Variants in ANKS1B observed in about 807,000 individuals in gnomAD.
ANKS1B encodes ankyrin repeat and sterile alpha motif domain-containing protein 1B.
Under a neutral mutation model 148.3 loss-of-function variants are expected in ANKS1B, and 36 were observed. The observed-to-expected ratio is 0.24, with a 90% CI of 0.19 to 0.32. The LOEUF is 0.32. Among genes scored for constraint, ANKS1B ranks in the 10% least tolerant of loss-of-function variants. The pLI is 1.00. For missense variants in ANKS1B, 1,157 were observed against 1,542.6 expected (o/e 0.75, Z 4.19); for synonymous variants, 542 against 560.8 (o/e 0.97, Z 0.47).
chr12:99,103,462 G>C (rs2058462831), intron 15 of ANKS1B, among the ~76,000 whole-genome samples: 1 of 152,088 alleles, frequency 6.6e-6, no homozygotes, highest in South Asian at 2.1e-4. Flanking sequence ...AAATTCTACT[G>C]ATCTTTCAAG....
chr12:99,223,745 T>C (rs1037803721), intron 14 of ANKS1B, among the ~76,000 whole-genome samples: 2 of 152,206 alleles, frequency 1.3e-5, no homozygotes, highest in Non-Finnish European at 2.9e-5. Flanking sequence ...GCAGTATAGC[T>C]GGCCTGTCTG....
chr12:99,058,898 C>G (rs866481692), intron 16 of ANKS1B, among the ~76,000 whole-genome samples: 38 of 150,966 alleles, frequency 2.5e-4, no homozygotes, highest in Non-Finnish European at 4.7e-4. Context: ...CTACCACGCC[C>G]GGCTAATTTT....
At chr12:99,358,284 C>T (rs886073614) in intron 12 of ANKS1B, among the ~76,000 whole-genome samples, 3 of 152,088 alleles carry the variant, frequency 2.0e-5, no homozygotes, top group African/African-American at 7.2e-5. Flanking sequence ...ACACAAGACC[C>T]ATACTTCATT....
At chr12:99,622,212 A>G (rs1034058319) in intron 9 of ANKS1B, among the ~76,000 whole-genome samples, 1 of 152,076 alleles carries the variant, frequency 6.6e-6, no homozygotes, top group African/African-American at 2.4e-5. Context: ...CAGACACAAC[A>G]TACCAAAATC....
At chr12:99,362,895 T>G (rs2092566098) in intron 12 of ANKS1B, among the ~76,000 whole-genome samples, 1 of 152,080 alleles carries the variant, frequency 6.6e-6, no homozygotes, top group Non-Finnish European at 1.5e-5. Flanking sequence ...ATTTTATTCA[T>G]ATTTGATGAC....
intron 9 of ANKS1B, among the ~76,000 whole-genome samples, chr12:99,584,440 A>G (rs2097604600): frequency 6.6e-6 from 1 of 152,040 alleles, no homozygotes; most frequent in African/African-American, 2.4e-5. Context: ...TCTCAATGAA[A>G]AATACAAAAA....
chr12:99,020,370 A>G (rs1357574170), intron 17 of ANKS1B, among the ~76,000 whole-genome samples: 1 of 151,992 alleles, frequency 6.6e-6, no homozygotes, highest in Non-Finnish European at 1.5e-5. Flanking sequence ...CTATTTCTCT[A>G]TTGTTTTACT....
intron 17 of ANKS1B, among the ~76,000 whole-genome samples, chr12:98,890,923 A>G (rs1440581188): frequency 6.6e-6 from 1 of 152,228 alleles, no homozygotes; most frequent in Non-Finnish European, 1.5e-5. Flanking sequence ...TGTGTCTCAG[A>G]GGCTGCTGTC....
intron 15 of ANKS1B, among the ~76,000 whole-genome samples, chr12:99,106,557 G>T (rs78897178): frequency 3.0e-4 from 45 of 152,214 alleles, no homozygotes; most frequent in Non-Finnish European, 5.6e-4. Context: ...TAAAGTTGTC[G>T]GTTTCTAAAG....
rs1444985231 is a variant in ANKS1B, at chr12:99,800,320, T to C, written c.669+6084A>G. ...GAAAGCCCTCACTCAGGAATGGAAT[T>C]GGCCGGAACTTGATCTTGGACTTTG... On this transcript the variant is annotated intron_variant, in intron 4 of 26. Coordinates refer to ENST00000683438, the MANE Select transcript of ANKS1B (RefSeq NM_001352186.2). 2.6e-5 allele frequency among the ~76,000 whole-genome samples: 4 copies of C among 151,812 alleles called. No individual in the cohort carries two copies. In the East Asian group the frequency reaches 5.8e-4, roughly 22 times the overall value.
At chr12:99,832,778 A>T (rs959060286) in intron 1 of ANKS1B, among the ~76,000 whole-genome samples, 2 of 152,098 alleles carry the variant, frequency 1.3e-5, no homozygotes, top group African/African-American at 4.8e-5. Context: ...CAGCAAAAAA[A>T]AAATAAAAAA....
intron 8 of ANKS1B, among the ~76,000 whole-genome samples, chr12:99,711,290 A>C (rs558645826): frequency 6.6e-6 from 1 of 152,062 alleles, no homozygotes; most frequent in African/African-American, 2.4e-5. Context: ...CACAGTTTTA[A>C]TTTTTTTAAC....
intron 14 of ANKS1B, among the ~76,000 whole-genome samples, chr12:99,157,540 G>C (rs1295628082): frequency 6.6e-6 from 1 of 152,194 alleles, no homozygotes; most frequent in African/African-American, 2.4e-5. Flanking sequence ...TATTGGAAAT[G>C]CCTTTCTTGA....
At chr12:99,921,431 A>C (rs907794112) in intron 1 of ANKS1B, among the ~76,000 whole-genome samples, 3 of 152,148 alleles carry the variant, frequency 2.0e-5, no homozygotes, top group African/African-American at 7.2e-5. Context: ...TAAATTACCC[A>C]GTCTCAGGGA....
At chr12:98,833,867 TAATTA>T (rs1233474446) in intron 17 of ANKS1B, among the ~76,000 whole-genome samples, 1 of 152,232 alleles carries the variant, frequency 6.6e-6, no homozygotes, top group African/African-American at 2.4e-5. Context: ...GTTTCTGCGT[TAATTA>T]ACTTAAGGGT....
intron 8 of ANKS1B, among the ~76,000 whole-genome samples, chr12:99,737,110 T>C (rs1046160482): frequency 6.6e-6 from 1 of 152,126 alleles, no homozygotes; most frequent in Non-Finnish European, 1.5e-5. Context: ...ACAGCTGCTA[T>C]GGAAAACAGT....
chr12:99,058,678 A>G (rs2041159070), intron 16 of ANKS1B, among the ~76,000 whole-genome samples: 1 of 148,634 alleles, frequency 6.7e-6, no homozygotes, highest in South Asian at 2.1e-4. Context: ...TCTGCTAGGA[A>G]TACAGTTTCT....
chr12:98,997,504 C>T (rs999120533), intron 17 of ANKS1B, among the ~76,000 whole-genome samples: 3 of 151,150 alleles, frequency 2.0e-5, no homozygotes, highest in African/African-American at 7.3e-5. Flanking sequence ...TGGGTTCAAG[C>T]GGTTCTCCTG....
At chr12:99,383,984 G>C (rs921184115) in intron 12 of ANKS1B, among the ~76,000 whole-genome samples, 1 of 151,962 alleles carries the variant, frequency 6.6e-6, no homozygotes, top group Non-Finnish European at 1.5e-5. Context: ...AGCTGTAATC[G>C]TGCCACTGAA....
Sources: allele counts gnomAD v4.1 joint callset (sites outside exome capture counted in the v4.1 genomes callset), GRCh38; gene constraint gnomAD v4.1.1; transcripts MANE v1.5; gene names NCBI Gene and HGNC (gene_info 2026-07-23, HGNC 2026-07-21).